The following FRMD4B variants were observed in gnomAD, a reference collection of about 807,000 sequenced individuals.
FRMD4B encodes FERM domain-containing protein 4B.
A neutral mutation model predicts 141.5 loss-of-function variants in FRMD4B; 74 were observed. That is an observed-to-expected ratio of 0.52 (90% CI 0.43 to 0.63). The LOEUF (loss-of-function observed/expected upper bound fraction) is 0.63, where lower values mean the gene tolerates loss of function less well. Among genes scored for constraint, FRMD4B ranks in the 30% least tolerant of loss-of-function variants. The probability of loss-of-function intolerance (pLI) is 0.00; values close to 1 mark genes in which losing one functional copy is unlikely to be tolerated. For missense variants in FRMD4B, 1,366 were observed against 1,253.4 expected (o/e 1.09, Z -1.36); for synonymous variants, 506 against 467.9 (o/e 1.08, Z -1.05).
chr3:69,426,927 A>G (rs1705089597), intron 2 of FRMD4B, among the ~76,000 whole-genome samples: 1 of 152,124 alleles, frequency 6.6e-6, no homozygotes, highest in Non-Finnish European at 1.5e-5. Context: ...TAGATTTGCT[A>G]TTTCTTTGGC....
At chr3:69,509,324 A>G (rs1706651729) in intron 1 of FRMD4B, among the ~76,000 whole-genome samples, 1 of 152,232 alleles carries the variant, frequency 6.6e-6, no homozygotes. Context: ...CTGTTGCCAA[A>G]TTCCAACAGA....
chr3:69,481,490 G>C (rs573699749), intron 1 of FRMD4B, among the ~76,000 whole-genome samples: 13 of 152,172 alleles, frequency 8.5e-5, no homozygotes, highest in Non-Finnish European at 1.8e-4. Context: ...AAATCCCTCA[G>C]TAAAAAAGGG....
At chr3:69,376,685 T>C (rs1298545216) in intron 1 of FRMD4B, 4 of 149,312 alleles carry the variant, frequency 2.7e-5, no homozygotes, top group Admixed American at 1.4e-4. Flanking sequence ...ATATCTGTTA[T>C]GTATGTACAT....
At chr3:69,185,105 C>T (rs967766535) in intron 19 of FRMD4B, among the ~76,000 whole-genome samples, 1 of 151,970 alleles carries the variant, frequency 6.6e-6, no homozygotes, top group African/African-American at 2.4e-5. Flanking sequence ...AGATCAAGAC[C>T]ATCCTGGCTA....
chr3:69,200,327 A>T, intron 11 of FRMD4B: 1 of 672,616 alleles, frequency 1.5e-6, no homozygotes, highest in Non-Finnish European at 1.8e-6. Flanking sequence ...TATAACACTC[A>T]CTCAGGTTCA....
rs749215897 is a variant in FRMD4B, at chr3:69,218,322, C to G, written c.789G>C (p.Lys263Asn). The change falls in exon 10 of 23, where the codon AAG becomes AAC. Residue 263 changes from lysine to asparagine, a missense_variant and splice_region_variant. Lys to Asn is a moderately conservative substitution (Grantham distance 94). Transcript: ENST00000398540. ...PTYGVHYYAV[K>N]DKQGLPWWLG... is the part of the protein sequence containing the mutation. The stretch of plus-strand genomic sequence containing the variant: ...AGCTTTGTCATGTAAAATTACTTAC[C>G]TTTACTGCATAATAATGGACACCGT... 1 of 1,470,986 alleles carries G rather than the reference C, an allele frequency of 6.8e-7. No homozygotes were observed. The highest frequency in any genetic ancestry group is 1.8e-5 in the Admixed American group (1 of 57,026). The allele number at this position is 1,470,986 out of a possible 1,614,324, so 91.1% of individuals were successfully genotyped here.
intron 5 of FRMD4B, among the ~76,000 whole-genome samples, chr3:69,273,595 A>T (rs1356203153): frequency 6.6e-6 from 1 of 152,210 alleles, no homozygotes; most frequent in Non-Finnish European, 1.5e-5. Context: ...TATGATTGTT[A>T]CTCAGAATTG....
At chr3:69,248,500 G>A (rs149153853) in intron 7 of FRMD4B, among the ~76,000 whole-genome samples, 1 of 152,336 alleles carries the variant, frequency 6.6e-6, no homozygotes, top group African/African-American at 2.4e-5. Flanking sequence ...GGGAATGAGT[G>A]CTAGGTGATC....
intron 1 of FRMD4B, among the ~76,000 whole-genome samples, chr3:69,326,564 A>C (rs932799189): frequency 6.6e-6 from 1 of 152,050 alleles, no homozygotes; most frequent in Middle Eastern, 3.2e-3. Flanking sequence ...TTTTACATAC[A>C]TTTTCCCCAT....
At chr3:69,479,813 G>C (rs1008133336) in intron 1 of FRMD4B, among the ~76,000 whole-genome samples, 1 of 152,144 alleles carries the variant, frequency 6.6e-6, no homozygotes, top group South Asian at 2.1e-4. Context: ...TTCCAACTTG[G>C]TTCCATTCAC....
intron 1 of FRMD4B, among the ~76,000 whole-genome samples, chr3:69,360,374 A>G (rs1703437990): frequency 6.6e-6 from 1 of 152,204 alleles, no homozygotes; most frequent in South Asian, 2.1e-4. Flanking sequence ...TTTTTTAAAC[A>G]TAACCCTAAA....
At chr3:69,283,429 C>CAAAAAAAAAAAAAAA in intron 5 of FRMD4B, among the ~76,000 whole-genome samples, 1 of 139,458 alleles carries the variant, frequency 7.2e-6, no homozygotes, top group Non-Finnish European at 1.5e-5. Context: ...GCAACAACAA[C>CAAAAAAAAAAAAAAA]AAAAAAAAAA....
chr3:69,538,247 G>A (rs1168105550), intron 1 of FRMD4B, among the ~76,000 whole-genome samples: 5 of 152,198 alleles, frequency 3.3e-5, no homozygotes, highest in Non-Finnish European at 5.9e-5. Context: ...TAAGCAAGAC[G>A]CTCTTGAAGT....
At chr3:69,541,633 C>T (rs563552961) in intron 1 of FRMD4B, among the ~76,000 whole-genome samples, 1 of 152,110 alleles carries the variant, frequency 6.6e-6, no homozygotes, top group African/African-American at 2.4e-5. Context: ...ATTTTTTCCT[C>T]CCCAGATGAA....
chr3:69,361,464 C>A (rs570979593), intron 1 of FRMD4B, among the ~76,000 whole-genome samples: 1 of 152,118 alleles, frequency 6.6e-6, no homozygotes, highest in Admixed American at 6.5e-5. Flanking sequence ...CACATCCCCC[C>A]CAAGATATAA....
At chr3:69,314,100 C>T (rs1701708932) in intron 1 of FRMD4B, among the ~76,000 whole-genome samples, 1 of 118,176 alleles carries the variant, frequency 8.5e-6, no homozygotes, top group Non-Finnish European at 1.6e-5. Flanking sequence ...GATCGCGCCA[C>T]TGCACTCCAG....
Position 69,168,896 on chromosome 3 carries a change from T to C in FRMD4B, c.*2965A>G, listed in dbSNP as rs1413246462. Among the ~76,000 whole-genome samples the C allele has an allele frequency of 2.0e-5, 3 of 152,110 alleles. No homozygotes were observed. Among genetic ancestry groups the C allele is most frequent in the African/African-American group, 7.2e-5 (3 of 41,422 alleles). ...AAAAATAGATAAACATCTAGTAGGG[T>C]GAGGCAATTTTAAAAATCCACCTTG... On this transcript the variant is annotated 3_prime_UTR_variant, in exon 23 of 23. Transcript: ENST00000398540.
At chr3:69,175,873 G>C (rs894211241) in intron 22 of FRMD4B, among the ~76,000 whole-genome samples, 17 of 147,692 alleles carry the variant, frequency 1.2e-4, no homozygotes, top group Admixed American at 2.1e-4. Flanking sequence ...CTCTGCCTCT[G>C]GGGTTCACGC....
At chr3:69,540,352 C>T (rs993807643) in intron 1 of FRMD4B, among the ~76,000 whole-genome samples, 35 of 151,892 alleles carry the variant, frequency 2.3e-4, no homozygotes, top group African/African-American at 7.0e-4. Context: ...CCGCGGCTCA[C>T]CCCTGTAATC....
Sources: gnomAD v4.1 joint callset for allele counts (sites outside exome capture counted in the v4.1 genomes callset) on GRCh38, gnomAD v4.1.1 for gene constraint, MANE v1.5 for transcripts, NCBI Gene and HGNC (gene_info 2026-07-23, HGNC 2026-07-21) for gene names.